The following SUSD1 variants were observed in gnomAD, a reference collection of about 807,000 sequenced individuals.
SUSD1 encodes sushi domain containing 1.
In SUSD1, 65 loss-of-function variants were observed where a neutral mutation model predicts 86.9. That is an observed-to-expected ratio of 0.75 (90% CI 0.61 to 0.92). The LOEUF (loss-of-function observed/expected upper bound fraction) is 0.92. Ranked by LOEUF, SUSD1 falls within the 40% of genes least tolerant of loss-of-function variation. SUSD1 has a pLI of 0.00. For missense variants in SUSD1, 850 were observed against 929.7 expected, an observed-to-expected ratio of 0.91 and a Z score of 1.11; for synonymous variants, 346 against 350.0, an observed-to-expected ratio of 0.99 and a Z score of 0.13.
intron 9 of SUSD1, among the ~76,000 whole-genome samples, chr9:112,099,753 C>A (rs987138152): frequency 9.2e-5 from 14 of 152,320 alleles, no homozygotes; most frequent in Non-Finnish European, 5.9e-5. Flanking sequence ...CACCCTCAAT[C>A]CCTCCTTATT....
rs138471089 is a variant in SUSD1, at chr9:112,112,837, C to T, written c.918G>A (p.Leu306=). 1.2e-6 allele frequency: 2 copies of T among 1,611,892 alleles called. No individual in the cohort carries two copies. Among genetic ancestry groups the T allele is most frequent in the Non-Finnish European group, 1.7e-6 (2 of 1,178,150 alleles). Residue 306 remains leucine, a synonymous_variant, in exon 7 of 17, where the codon CTG becomes CTA. Transcript: ENST00000374270. Reference sequence around the variant, plus strand: ...GCCATCTCACACAGGTATCATTAAACAGTGATACATCATTAATCTTTGTCA... The same window carrying T: ...GCCATCTCACACAGGTATCATTAAATAGTGATACATCATTAATCTTTGTCA... ...EILTKINDVS[L]FNDTCVRWQI...
chr9:112,152,268 A>G (rs1479072777), intron 2 of SUSD1, among the ~76,000 whole-genome samples: 1 of 151,474 alleles, frequency 6.6e-6, no homozygotes, highest in Non-Finnish European at 1.5e-5. Flanking sequence ...TAGCTTTTTT[A>G]CTTAAACTTT....
intron 15 of SUSD1, 89 bp from the exon 16 acceptor site, chr9:112,042,049 A>T: frequency 6.4e-7 from 1 of 1,564,488 alleles, no homozygotes; most frequent in Non-Finnish European, 8.7e-7. Context: ...AATCCATTTT[A>T]ACCCAGAGCT....
At chr9:112,116,343 T>C (rs1831324566) in intron 6 of SUSD1, among the ~76,000 whole-genome samples, 1 of 152,224 alleles carries the variant, frequency 6.6e-6, no homozygotes, top group South Asian at 2.1e-4. Flanking sequence ...AAAGTTTGGT[T>C]GCTTTTCCCT....
At chr9:112,058,319 T>G (rs1210236490) in intron 14 of SUSD1, 109 bp downstream of exon 14, 1 of 1,352,328 alleles carries the variant, frequency 7.4e-7, no homozygotes, top group Non-Finnish European at 9.9e-7. Flanking sequence ...ATTTTGTGAT[T>G]GTTACATGCA....
intron 11 of SUSD1, among the ~76,000 whole-genome samples, chr9:112,079,688 C>T (rs1333908301): frequency 6.6e-6 from 1 of 151,868 alleles, no homozygotes; most frequent in Non-Finnish European, 1.5e-5. Context: ...CAGAAACCTC[C>T]ACCTCTTGGG....
At chr9:112,117,461 G>A (rs1239803611) in intron 6 of SUSD1, among the ~76,000 whole-genome samples, 1 of 152,194 alleles carries the variant, frequency 6.6e-6, no homozygotes, top group Non-Finnish European at 1.5e-5. Context: ...TGGATTTGGG[G>A]AGAGAAAGTC....
intron 2 of SUSD1, among the ~76,000 whole-genome samples, chr9:112,156,025 GAGAGAAGGA>G (rs1268177907): frequency 6.6e-6 from 1 of 151,532 alleles, no homozygotes; most frequent in Non-Finnish European, 1.5e-5. Flanking sequence ...AAGGGAGAGA[GAGAGAAGGA>G]AGAGAAGAAG....
intron 10 of SUSD1, among the ~76,000 whole-genome samples, chr9:112,084,131 A>C (rs1024689824): frequency 1.3e-5 from 2 of 152,174 alleles, no homozygotes; most frequent in Admixed American, 1.3e-4. Flanking sequence ...TTTCATAGAT[A>C]CCAAAATGTG....
chr9:112,143,656 T>TA, intron 3 of SUSD1, 33 bp from the exon 4 acceptor site: 1 of 1,539,686 alleles, frequency 6.5e-7, no homozygotes, highest in Non-Finnish European at 8.7e-7. Flanking sequence ...GAAAAGGAGA[T>TA]AAAAACAGAA....
At chr9:112,109,829 A>T (rs1408677190) in intron 8 of SUSD1, among the ~76,000 whole-genome samples, 1 of 152,228 alleles carries the variant, frequency 6.6e-6, no homozygotes, top group Non-Finnish European at 1.5e-5. Flanking sequence ...ATTTTATAAT[A>T]TCTTTGCCTG....
At chr9:112,145,285 T>TC (rs1317379132) in intron 3 of SUSD1, among the ~76,000 whole-genome samples, 1 of 149,808 alleles carries the variant, frequency 6.7e-6, no homozygotes, top group African/African-American at 2.4e-5. Context: ...TTCCTTTTTT[T>TC]TTTTTTTTTT....
intron 8 of SUSD1, among the ~76,000 whole-genome samples, chr9:112,103,501 G>A (rs762330218): frequency 2.0e-5 from 3 of 152,166 alleles, no homozygotes; most frequent in Non-Finnish European, 1.5e-5. Context: ...CTCTGTACAG[G>A]CAGAACAGAA....
intron 1 of SUSD1, among the ~76,000 whole-genome samples, chr9:112,160,475 C>T (rs1355080755): frequency 6.6e-6 from 1 of 152,130 alleles, no homozygotes; most frequent in African/African-American, 2.4e-5. Flanking sequence ...ACCCAGAAGG[C>T]TGAGGTTGCA....
chr9:112,133,336 C>T (rs1359150029), intron 5 of SUSD1, among the ~76,000 whole-genome samples: 4 of 152,296 alleles, frequency 2.6e-5, no homozygotes, highest in South Asian at 2.1e-4. Flanking sequence ...GCTACAGCAA[C>T]CAAAACAGCA....
intron 2 of SUSD1, among the ~76,000 whole-genome samples, chr9:112,154,361 A>G (rs894251886): frequency 1.8e-4 from 27 of 150,546 alleles, no homozygotes; most frequent in South Asian, 4.2e-4. Context: ...AAGAGAGAGA[A>G]AAATTAGCTG....
intron 15 of SUSD1, among the ~76,000 whole-genome samples, chr9:112,048,269 G>A (rs1372780321): frequency 6.6e-6 from 1 of 152,162 alleles, no homozygotes; most frequent in Non-Finnish European, 1.5e-5. Context: ...AACAGTCTTT[G>A]AATGAATAAC....
At chr9:112,112,657 G>GGA in intron 7 of SUSD1, 114 bp downstream of exon 7, 1 of 670,808 alleles carries the variant, frequency 1.5e-6, no homozygotes, top group Non-Finnish European at 2.5e-6. Context: ...AAGAAAAAAA[G>GGA]AAAAAAAAAC....
intron 5 of SUSD1, among the ~76,000 whole-genome samples, chr9:112,141,851 A>G (rs1022616369): frequency 1.1e-4 from 15 of 142,104 alleles, no homozygotes; most frequent in Non-Finnish European, 1.8e-4. Context: ...GTTTTTATAT[A>G]TATATGTATA....
Sources: gnomAD v4.1 joint callset for allele counts (sites outside exome capture counted in the v4.1 genomes callset) on GRCh38, gnomAD v4.1.1 for gene constraint, MANE v1.5 for transcripts, NCBI Gene and HGNC (gene_info 2026-07-23, HGNC 2026-07-21) for gene names.